PCSK2: variants seen among roughly 807,000 people sequenced by gnomAD.
PCSK2 encodes proprotein convertase subtilisin/kexin type 2, also known as neuroendocrine convertase 2.
PCSK2 carries 14 observed loss-of-function variants against 69.7 expected under a neutral mutation model. The ratio of observed to expected loss-of-function variants is 0.20; its 90% CI spans 0.13 to 0.31. PCSK2 has a LOEUF of 0.31. Ranked by LOEUF, PCSK2 falls within the 10% of genes least tolerant of loss-of-function variation. PCSK2 has a pLI of 1.00. For synonymous variants in PCSK2, 307 were observed against 320.7 expected (o/e 0.96, Z 0.46); for missense variants, 544 against 842.5 (o/e 0.65, Z 4.39).
At chr20:17,412,502 A>G (rs1225831760) in intron 6 of PCSK2, among the ~76,000 whole-genome samples, 1 of 152,190 alleles carries the variant, frequency 6.6e-6, no homozygotes, top group East Asian at 1.9e-4. Context: ...AAAGAAATGA[A>G]AAAACCCTCC....
At chr20:17,347,800 G>T (rs867199122) in intron 2 of PCSK2, among the ~76,000 whole-genome samples, 1,809 of 68,832 alleles carry the variant, frequency 0.026, 60 homozygotes, top group African/African-American at 0.044. Context: ...AAGAAAGAAA[G>T]AAAGAAAGAA....
chr20:17,471,562 G>A (rs2033201599), intron 11 of PCSK2, among the ~76,000 whole-genome samples: 1 of 152,210 alleles, frequency 6.6e-6, no homozygotes, highest in Non-Finnish European at 1.5e-5. Context: ...CGGACACAAG[G>A]GAAATGTCTG....
intron 2 of PCSK2, among the ~76,000 whole-genome samples, chr20:17,347,849 AAAGAAAGAAAGAGG>A (rs1990701529): frequency 9.7e-6 from 1 of 103,292 alleles, no homozygotes; most frequent in Non-Finnish European, 1.9e-5. Flanking sequence ...AGAAAGAAAG[AAAGAAAGAAAGAGG>A]AGAGAGAAAA....
At chr20:17,302,574 T>A (rs1390956310) in intron 2 of PCSK2, among the ~76,000 whole-genome samples, 1 of 152,218 alleles carries the variant, frequency 6.6e-6, no homozygotes, top group Non-Finnish European at 1.5e-5. Context: ...TCTTGATTAA[T>A]GTATTAGTTG....
chr20:17,463,834 A>T (rs1341390245), intron 10 of PCSK2: 1 of 152,142 alleles, frequency 6.6e-6, no homozygotes, highest in Non-Finnish European at 1.5e-5. Context: ...ATATGTTGAA[A>T]TTTTATCAAA....
intron 10 of PCSK2, among the ~76,000 whole-genome samples, chr20:17,461,447 G>A (rs1458419150): frequency 6.6e-6 from 1 of 152,166 alleles, no homozygotes; most frequent in Admixed American, 6.5e-5. Flanking sequence ...ACGAGACCCA[G>A]AGAAGTGAAA....
intron 1 of PCSK2, among the ~76,000 whole-genome samples, chr20:17,247,548 A>G (rs1389661224): frequency 1.3e-5 from 2 of 152,246 alleles, no homozygotes; most frequent in Admixed American, 6.5e-5. Flanking sequence ...AAACCAGCAC[A>G]GTGGACAAAC....
chr20:17,325,954 G>A (rs1295654068), intron 2 of PCSK2, among the ~76,000 whole-genome samples: 3 of 152,224 alleles, frequency 2.0e-5, no homozygotes, highest in Non-Finnish European at 2.9e-5. Flanking sequence ...AGCCACCAGG[G>A]GCCTAGCCCA....
chr20:17,232,684 C>T (rs1280375809), intron 1 of PCSK2, among the ~76,000 whole-genome samples: 2 of 152,182 alleles, frequency 1.3e-5, no homozygotes, highest in Non-Finnish European at 2.9e-5. Context: ...GCTTTTACTT[C>T]TACTTTGTCA....
rs192643221 is a variant in PCSK2 at position 17,370,117 on chromosome 20, C to A, written c.543+840C>A. Among the ~76,000 whole-genome samples the A allele has an allele frequency of 1.6e-3, 240 of 152,314 alleles. 2 individuals are homozygous for A. The highest frequency in any genetic ancestry group is 1.3e-3 in the Non-Finnish European group (91 of 68,030). ...TCACTTATTTTAACCCCAGGGAGTA[C>A]AAGATTCAAGCATTGGTGCGTTCAC... On this transcript the variant is annotated intron_variant, in intron 5 of 11. Transcript: ENST00000262545.
At chr20:17,346,844 C>T (rs543508949) in intron 2 of PCSK2, among the ~76,000 whole-genome samples, 1 of 152,308 alleles carries the variant, frequency 6.6e-6, no homozygotes, top group South Asian at 2.1e-4. Context: ...CTGCAATGCA[C>T]ATGTTCCAAC....
At chr20:17,300,141 A>C (rs1220717079) in intron 2 of PCSK2, among the ~76,000 whole-genome samples, 1 of 152,200 alleles carries the variant, frequency 6.6e-6, no homozygotes, top group African/African-American at 2.4e-5. Flanking sequence ...AGTTCAAGGG[A>C]TGGTCACAAC....
intron 5 of PCSK2, among the ~76,000 whole-genome samples, chr20:17,399,888 T>A (rs1479613687): frequency 6.6e-6 from 1 of 152,164 alleles, no homozygotes; most frequent in Non-Finnish European, 1.5e-5. Flanking sequence ...TTTTTTTAAA[T>A]CCTATTTCTA....
chr20:17,268,798 T>C (rs566601055), intron 2 of PCSK2, among the ~76,000 whole-genome samples: 2 of 152,222 alleles, frequency 1.3e-5, no homozygotes, highest in African/African-American at 2.4e-5. Flanking sequence ...GAGAGATCCA[T>C]GCAAGGCGAT....
At chr20:17,431,932 G>GCCA (rs918165728) in intron 7 of PCSK2, among the ~76,000 whole-genome samples, 84 of 152,294 alleles carry the variant, frequency 5.5e-4, no homozygotes, top group African/African-American at 1.9e-3. Context: ...GGTCTAAAGC[G>GCCA]CCACCTGGTG....
At position 17,482,043 on chromosome 20, in the gene PCSK2, C is replaced by A; in HGVS notation, c.1890C>A (p.Ser630Arg). Residue 630 changes from serine to arginine, a missense_variant, in exon 12 of 12, where the codon AGC becomes AGA. Ser to Arg is a moderately radical substitution (Grantham distance 110, BLOSUM62 -1). This residue lies in a region of PCSK2 where 200 missense variants were observed against 287.8 expected (regional missense o/e 0.69). Coordinates refer to ENST00000262545, the MANE Select transcript of PCSK2 (RefSeq NM_002594.5). ...EEELDEAVER[S>R]LKSILNKN is the part of the protein sequence containing the mutation. Reference sequence around the variant, plus strand: ...AGCTGGACGAAGCCGTGGAGAGAAGCCTGAAAAGCATCCTTAACAAGAACT... The same window carrying A: ...AGCTGGACGAAGCCGTGGAGAGAAGACTGAAAAGCATCCTTAACAAGAACT... 6.3e-7 allele frequency: 1 copy of A among 1,599,138 alleles called. No individual in the cohort carries two copies. The highest frequency in any genetic ancestry group is 1.7e-5 in the Admixed American group (1 of 58,022).
intron 2 of PCSK2, among the ~76,000 whole-genome samples, chr20:17,352,852 C>T (rs541016283): frequency 5.9e-5 from 9 of 152,134 alleles, no homozygotes; most frequent in Non-Finnish European, 1.2e-4. Context: ...ACAGGCGGAC[C>T]TAATTAAGGT....
intron 10 of PCSK2, among the ~76,000 whole-genome samples, chr20:17,460,117 T>C (rs2032988330): frequency 6.6e-6 from 1 of 152,168 alleles, no homozygotes; most frequent in Non-Finnish European, 1.5e-5. Flanking sequence ...GCTCCTTTGC[T>C]CTGCCACTTT....
At chr20:17,286,783 C>T (rs980780330) in intron 2 of PCSK2, among the ~76,000 whole-genome samples, 1 of 152,212 alleles carries the variant, frequency 6.6e-6, no homozygotes, top group Non-Finnish European at 1.5e-5. Flanking sequence ...ACCCTCTGCC[C>T]TGGTCTCCAT....
Sources: allele counts gnomAD v4.1 joint callset (sites outside exome capture counted in the v4.1 genomes callset), GRCh38; gene constraint gnomAD v4.1.1; regional missense constraint gnomAD v4.1.1; transcripts MANE v1.5; gene names NCBI Gene and HGNC (gene_info 2026-07-23, HGNC 2026-07-21).